RRP15: variants seen among roughly 807,000 people sequenced by gnomAD.
RRP15 encodes ribosomal RNA processing 15 homolog, also known as RRP15-like protein.
A neutral mutation model predicts 27.1 loss-of-function variants in RRP15; 18 were observed. The ratio of observed to expected loss-of-function variants is 0.66; its 90% CI spans 0.46 to 0.98. The LOEUF is 0.98. RRP15 is among the 50% of genes least tolerant of loss of function. The pLI, the probability that RRP15 is intolerant of heterozygous loss-of-function variation, is 0.00. For missense variants in RRP15, 359 were observed against 337.8 expected, an observed-to-expected ratio of 1.06 and a Z score of -0.49; for synonymous variants, 107 against 109.4, an observed-to-expected ratio of 0.98 and a Z score of 0.14.
At chr1:218,322,211 G>A (rs1656197301) in intron 4 of RRP15, among the ~76,000 whole-genome samples, 1 of 152,110 alleles carries the variant, frequency 6.6e-6, no homozygotes, top group South Asian at 2.1e-4. Flanking sequence ...TATTAACTCT[G>A]AACTTGAATA....
intron 1 of RRP15, among the ~76,000 whole-genome samples, chr1:218,293,374 C>T (rs1317259021): frequency 1.3e-5 from 2 of 152,156 alleles, no homozygotes; most frequent in Non-Finnish European, 2.9e-5. Flanking sequence ...TAGTTGTATA[C>T]ATGTGGTCTT....
At chr1:218,285,928 A>G (rs1655538423) in intron 1 of RRP15, among the ~76,000 whole-genome samples, 1 of 152,174 alleles carries the variant, frequency 6.6e-6, no homozygotes, top group Admixed American at 6.5e-5. Flanking sequence ...TTTGGTGGTT[A>G]AGGTCGATTA....
chr1:218,313,565 G>A (rs1055494767), intron 4 of RRP15, among the ~76,000 whole-genome samples: 4 of 152,162 alleles, frequency 2.6e-5, no homozygotes, highest in African/African-American at 9.7e-5. Context: ...AAATGAGAAG[G>A]ATGACAGTAA....
At chr1:218,316,407 A>T (rs1656090658) in intron 4 of RRP15, among the ~76,000 whole-genome samples, 1 of 152,196 alleles carries the variant, frequency 6.6e-6, no homozygotes, top group Non-Finnish European at 1.5e-5. Flanking sequence ...AATGCATTAT[A>T]TTAAGACATC....
chr1:218,314,870 T>TA (rs1393998040), intron 4 of RRP15, among the ~76,000 whole-genome samples: 1 of 151,256 alleles, frequency 6.6e-6, no homozygotes, highest in Non-Finnish European at 1.5e-5. Flanking sequence ...TAGGGGCCTG[T>TA]AATCCCAGCT....
chr1:218,291,914 T>C (rs552243350), intron 1 of RRP15, among the ~76,000 whole-genome samples: 2 of 151,804 alleles, frequency 1.3e-5, no homozygotes, highest in African/African-American at 4.8e-5. Context: ...CAGAGCTCTC[T>C]GCAGTCTTAA....
chr1:218,335,829 T>C lies in RRP15; in HGVS notation c.*4738T>C, dbSNP rs867796748. On this transcript the variant is annotated 3_prime_UTR_variant, in exon 5 of 5. Coordinates refer to ENST00000366932, the MANE Select transcript of RRP15 (RefSeq NM_016052.4). ...GATTGAATTATTGTTGACTTTTTTT[T>C]CAGTATTTATATTTTTAAAAAGATA... The C allele has an allele frequency of 3.9e-5, 6 of 152,210 alleles. No homozygotes were observed. Among genetic ancestry groups the C allele is most frequent in the Non-Finnish European group, 5.9e-5 (4 of 68,040 alleles). The allele number at this position is 152,210 out of a possible 1,614,324, so 9.4% of individuals were successfully genotyped here.
At chr1:218,304,256 C>T (rs1488231162) in intron 2 of RRP15, among the ~76,000 whole-genome samples, 1 of 152,186 alleles carries the variant, frequency 6.6e-6, no homozygotes, top group Non-Finnish European at 1.5e-5. Context: ...TGCCAGCATT[C>T]ATTGATTAAT....
intron 4 of RRP15, among the ~76,000 whole-genome samples, chr1:218,311,300 C>G (rs1283904989): frequency 6.6e-6 from 1 of 152,008 alleles, no homozygotes; most frequent in East Asian, 1.9e-4. Context: ...TTCCTCACAC[C>G]TCTCCACATT....
At position 218,337,802 on chromosome 1, in the gene RRP15, T is replaced by C. The variant is rs555474732; in HGVS notation, c.*6711T>C. 6.6e-6 allele frequency: 1 copy of C among 152,306 alleles called. No homozygotes were observed. The highest frequency in any genetic ancestry group is 2.4e-5 in the African/African-American group (1 of 41,580). 9.4% of individuals were successfully genotyped at this position (152,306 alleles called of 1,614,324 possible). ...CTACATACTGTTTAATAGAGCATTA[T>C]TGATATTAGCTGTATTAGATGACTG... On this transcript the variant is annotated 3_prime_UTR_variant, in exon 5 of 5. Transcript: ENST00000366932.
intron 4 of RRP15, among the ~76,000 whole-genome samples, chr1:218,314,998 AAAAAAAAAAAAG>A (rs796824938): frequency 0.01 from 1,574 of 150,072 alleles, 29 homozygotes; most frequent in African/African-American, 0.038. Context: ...CTCAAAAAAA[AAAAAAAAAAAAG>A]AAAGAAAGTG....
chr1:218,292,320 C>G (rs1196753499), intron 1 of RRP15, among the ~76,000 whole-genome samples: 1 of 152,164 alleles, frequency 6.6e-6, no homozygotes, highest in East Asian at 1.9e-4. Flanking sequence ...CATATTTTCT[C>G]TGAGAGGCAC....
chr1:218,316,636 G>T lies in RRP15; in HGVS notation c.705+9004G>T, dbSNP rs138876442. 1.4e-3 allele frequency among the ~76,000 whole-genome samples: 220 copies of T among 152,278 alleles called. 2 individuals are homozygous for T. Among genetic ancestry groups the T allele is most frequent in the African/African-American group, 4.9e-3 (205 of 41,572 alleles). On this transcript the variant is annotated intron_variant, in intron 4 of 4. Transcript: ENST00000366932. ...ATAACAGTCCCTACCTCATAGGGAT[G>T]TTGTGAGAGTCAATTAAGTTAATAT...
chr1:218,312,301 A>T, intron 4 of RRP15, among the ~76,000 whole-genome samples: 3 of 145,180 alleles, frequency 2.1e-5, no homozygotes, highest in African/African-American at 5.2e-5. Context: ...TTTTTTAGCC[A>T]TTGAGCGGTT....
intron 4 of RRP15, among the ~76,000 whole-genome samples, chr1:218,326,725 G>T (rs900780484): frequency 2.6e-5 from 4 of 152,190 alleles, no homozygotes; most frequent in Non-Finnish European, 4.4e-5. Flanking sequence ...TCAATATCTG[G>T]TTGCTGTGTG....
At chr1:218,330,690 A>C (rs190109757) in intron 4 of RRP15, among the ~76,000 whole-genome samples, 117 of 152,182 alleles carry the variant, frequency 7.7e-4, no homozygotes, top group Non-Finnish European at 1.5e-3. Context: ...CTTCAAAAAA[A>C]TTTTTTTATT....
At chr1:218,327,002 G>A (rs1656284980) in intron 4 of RRP15, among the ~76,000 whole-genome samples, 1 of 152,160 alleles carries the variant, frequency 6.6e-6, no homozygotes, top group South Asian at 2.1e-4. Flanking sequence ...GTGTAAATAG[G>A]GTTGGTTTTG....
chr1:218,307,756 C>T (rs555989240), intron 4 of RRP15, 124 bp downstream of exon 4: 23 of 691,904 alleles, frequency 3.3e-5, no homozygotes, highest in South Asian at 3.2e-4. Flanking sequence ...ATTAAAATTC[C>T]TCCATGCCCG....
chr1:218,294,689 C>G (rs1174498691), intron 1 of RRP15, among the ~76,000 whole-genome samples: 2 of 151,942 alleles, frequency 1.3e-5, no homozygotes, highest in African/African-American at 2.4e-5. Context: ...ATTACATAAG[C>G]ATGGTTGATT....
Sources: allele counts gnomAD v4.1 joint callset (sites outside exome capture counted in the v4.1 genomes callset), GRCh38; gene constraint gnomAD v4.1.1; transcripts MANE v1.5; gene names NCBI Gene and HGNC (gene_info 2026-07-23, HGNC 2026-07-21).